The following PIEZO2 variants were observed in gnomAD, a reference collection of about 807,000 sequenced individuals.
PIEZO2 encodes piezo-type mechanosensitive ion channel component 2.
Under a neutral mutation model 337.3 loss-of-function variants are expected in PIEZO2, and 172 were observed. The ratio of observed to expected loss-of-function variants is 0.51; its 90% CI spans 0.45 to 0.58. PIEZO2 has a LOEUF of 0.58. Among genes scored for constraint, PIEZO2 ranks in the 20% least tolerant of loss-of-function variants. PIEZO2 has a pLI of 0.00. For synonymous variants in PIEZO2, 1,251 were observed against 1,228.5 expected (o/e 1.02, Z -0.38); for missense variants, 3,028 against 3,391.3 (o/e 0.89, Z 2.66).
rs995513410 is a variant in PIEZO2, at chr18:11,105,964, CT to C, written c.65-39743del. Among the ~76,000 whole-genome samples the C allele has an allele frequency of 2.2e-4, 34 of 152,122 alleles. No homozygotes were observed. The highest frequency in any genetic ancestry group is 4.3e-4 in the Non-Finnish European group (29 of 68,030). ...GTTTATTTGAAATGTTCAGCTTTCA[CT>C]TTTTGGCATAGGAGGAAAAGTCATT... On this transcript the variant is annotated intron_variant, in intron 1 of 55. Transcript: ENST00000674853. This position sits in a 1 kb window ranked among gnomAD's most constrained non-coding sequence, Gnocchi z 4.3.
At chr18:10,764,407 C>A (rs1161831432) in intron 21 of PIEZO2, among the ~76,000 whole-genome samples, 1 of 151,908 alleles carries the variant, frequency 6.6e-6, no homozygotes, top group Non-Finnish European at 1.5e-5. Context: ...TTTGGGAGGC[C>A]AAGGTGGGTG....
In PIEZO2 at chr18:10,773,743, T is replaced by C; in HGVS notation, c.2568-114A>G. 3 of 980,864 alleles carry C rather than the reference T, an allele frequency of 3.1e-6. No homozygotes were observed. Among genetic ancestry groups the C allele is most frequent in the Non-Finnish European group, 4.5e-6 (3 of 664,436 alleles). The allele number at this position is 980,864 out of a possible 1,614,324, so 60.8% of individuals were successfully genotyped here. Reference sequence around the variant, plus strand: ...TGAAATCAGTGCATGTACAAAGACCTCACAAGGTGGGGTGTTAGCGTTTTG... The same window carrying C: ...TGAAATCAGTGCATGTACAAAGACCCCACAAGGTGGGGTGTTAGCGTTTTG... On this transcript the variant is annotated intron_variant, in intron 19 of 55. Transcript: ENST00000674853. This position sits in a 1 kb window ranked among gnomAD's most constrained non-coding sequence, Gnocchi z 5.3.
chr18:10,807,091 T>C (rs1381748854), intron 8 of PIEZO2, 21 bp downstream of exon 8: 39 of 1,527,526 alleles, frequency 2.6e-5, no homozygotes, highest in East Asian at 2.5e-4. Context: ...GACAAGATCA[T>C]GAAAATGTTT....
chr18:10,994,346 GAT>G (rs1383456995), intron 2 of PIEZO2, among the ~76,000 whole-genome samples: 1 of 151,588 alleles, frequency 6.6e-6, no homozygotes, highest in Non-Finnish European at 1.5e-5. Context: ...CCTCTTAGTA[GAT>G]ATCCAGTAGT....
intron 48 of PIEZO2, 48 bp downstream of exon 48, chr18:10,691,177 C>A: frequency 6.3e-7 from 1 of 1,576,684 alleles, no homozygotes; most frequent in South Asian, 1.2e-5. Context: ...TGCCTTTCCA[C>A]CGCTATTCTT....
chr18:11,086,040 G>A (rs1445584811), intron 1 of PIEZO2, among the ~76,000 whole-genome samples: 4 of 151,988 alleles, frequency 2.6e-5, no homozygotes, highest in African/African-American at 2.4e-5. Context: ...ATAAATATAC[G>A]TTGTATGTAA....
intron 16 of PIEZO2, 40 bp downstream of exon 16, chr18:10,786,996 T>C (rs1157504828): frequency 1.3e-6 from 2 of 1,491,300 alleles, no homozygotes; most frequent in African/African-American, 1.4e-5. Context: ...TGCATTCAAG[T>C]CTTCATCTTG....
At chr18:10,735,665 G>A (rs1001096909) in intron 34 of PIEZO2, among the ~76,000 whole-genome samples, 2 of 152,076 alleles carry the variant, frequency 1.3e-5, no homozygotes, top group East Asian at 1.9e-4. Context: ...ACAAAAACCC[G>A]GTCATGAAGA....
rs529767473 is a variant in PIEZO2, at chr18:10,872,390, C to T, written c.330-975G>A. Among the ~76,000 whole-genome samples, 42 of 152,240 alleles carry T rather than the reference C, an allele frequency of 2.8e-4. No individual in the cohort carries two copies. In the South Asian group the frequency reaches 3.7e-3, roughly 14 times the overall value. On this transcript the variant is annotated intron_variant, in intron 4 of 55. Coordinates refer to ENST00000674853, the MANE Select transcript of PIEZO2 (RefSeq NM_001378183.1). This position sits in a 1 kb window ranked among gnomAD's most constrained non-coding sequence, Gnocchi z 4.3. ...GATCTGTCTGGGAAGGTAATACAAA[C>T]GCCATCTGTGATTTTGGGAGGCGTC...
intron 7 of PIEZO2, among the ~76,000 whole-genome samples, chr18:10,838,011 C>G (rs912259462): frequency 9.2e-5 from 14 of 152,088 alleles, no homozygotes; most frequent in African/African-American, 3.4e-4. Context: ...CTCGGCCTCC[C>G]AAAGTTCTGT....
At chr18:10,736,518 A>T in intron 34 of PIEZO2, 86 bp downstream of exon 34, 1 of 1,495,476 alleles carries the variant, frequency 6.7e-7, no homozygotes, top group Non-Finnish European at 8.9e-7. Flanking sequence ...TATGAATATT[A>T]CAGGAGGTGT....
At chr18:10,809,550 G>C (rs1192161331) in intron 7 of PIEZO2, among the ~76,000 whole-genome samples, 1 of 148,538 alleles carries the variant, frequency 6.7e-6, no homozygotes, top group South Asian at 2.2e-4. Flanking sequence ...TTACAGATGT[G>C]AGCCACCGCA....
chr18:10,960,714 A>T (rs960928820), intron 3 of PIEZO2, among the ~76,000 whole-genome samples: 1 of 152,236 alleles, frequency 6.6e-6, no homozygotes, highest in African/African-American at 2.4e-5. Flanking sequence ...TTTCTCAAAA[A>T]TCTTTTAAAA....
intron 10 of PIEZO2, among the ~76,000 whole-genome samples, 182 bp from the exon 11 acceptor site, chr18:10,800,657 C>G (rs932692291): frequency 2.0e-5 from 3 of 152,250 alleles, no homozygotes; most frequent in African/African-American, 7.2e-5. Flanking sequence ...CTCTCCAACT[C>G]TAGTCTCCAC....
intron 16 of PIEZO2, among the ~76,000 whole-genome samples, chr18:10,785,762 C>A (rs942822301): frequency 6.6e-6 from 1 of 152,222 alleles, no homozygotes; most frequent in Admixed American, 6.5e-5. Flanking sequence ...AAGCTCCCAT[C>A]ATTTCTCACA....
chr18:10,684,815 G>A (rs73395367), intron 49 of PIEZO2, among the ~76,000 whole-genome samples: 22,918 of 152,012 alleles, frequency 0.15, 3,260 homozygotes, highest in African/African-American at 0.38. Context: ...GCGCTGCTCC[G>A]TTACCCCTTT....
At chr18:10,760,595 G>A (rs565483509) in intron 24 of PIEZO2, among the ~76,000 whole-genome samples, 25 of 152,282 alleles carry the variant, frequency 1.6e-4, no homozygotes, top group East Asian at 1.2e-3. Context: ...GTGAGCCACC[G>A]TGCCCAGGCA....
intron 2 of PIEZO2, among the ~76,000 whole-genome samples, chr18:11,061,984 C>G (rs1175636836): frequency 1.3e-5 from 2 of 152,162 alleles, no homozygotes; most frequent in South Asian, 2.1e-4. Flanking sequence ...AAGCTGGAGG[C>G]ATCATGCTAC....
rs1430261278 is a variant in PIEZO2, at chr18:11,099,541, A to G, written c.65-33319T>C. 6.6e-6 allele frequency among the ~76,000 whole-genome samples: 1 copy of G among 152,166 alleles called. No homozygotes were observed. The highest frequency in any genetic ancestry group is 1.9e-4 in the East Asian group (1 of 5,192). Reference sequence around the variant, plus strand: ...GTATGCAATGGCATGATCTCGGCTCACTGCAACCTCTGCCTCCAGGGTTCA... The same window carrying G: ...GTATGCAATGGCATGATCTCGGCTCGCTGCAACCTCTGCCTCCAGGGTTCA... On this transcript the variant is annotated intron_variant, in intron 1 of 55. Transcript: ENST00000674853. The surrounding 1 kb of genome is among the most constrained non-coding windows in gnomAD (Gnocchi z 5.4).
Sources: allele counts gnomAD v4.1 joint callset (sites outside exome capture counted in the v4.1 genomes callset), GRCh38; gene constraint gnomAD v4.1.1; non-coding constraint Gnocchi (gnomAD v3.1); transcripts MANE v1.5; gene names NCBI Gene and HGNC (gene_info 2026-07-23, HGNC 2026-07-21).